Variants in CSMD3 observed in about 807,000 individuals in gnomAD.
CSMD3 encodes the protein CUB and Sushi multiple domains 3.
In CSMD3, 177 loss-of-function variants were observed where a neutral mutation model predicts 435.2. The ratio of observed to expected loss-of-function variants is 0.41; its 90% confidence interval spans 0.36 to 0.46. CSMD3 has a LOEUF of 0.46. Among genes scored for constraint, CSMD3 ranks in the 20% least tolerant of loss-of-function variants. CSMD3 has a pLI of 0.34. For synonymous variants in CSMD3, 1,656 were observed against 1,520.5 expected (o/e 1.09, Z -2.07); for missense variants, 4,265 against 4,504.6 (o/e 0.95, Z 1.52).
intron 22 of CSMD3, among the ~76,000 whole-genome samples, chr8:112,630,797 T>A (rs2074492558): frequency 1.3e-5 from 2 of 152,092 alleles, no homozygotes; most frequent in South Asian, 4.1e-4. Context: ...GAGGAGATAA[T>A]GAGTTCTGTC....
rs184602854 is a variant in CSMD3 at position 113,111,181 on chromosome 8, G to A, written c.710-12218C>T. 3.2e-4 allele frequency among the ~76,000 whole-genome samples: 49 copies of A among 152,168 alleles called. No individual in the cohort carries two copies. In the East Asian group the frequency reaches 9.3e-3, roughly 29 times the overall value. ...AAGTCATGGTCTTTGTCATTCCCAG[G>A]TCAGAAGTTTTCAAAGAATTTTTAA... On this transcript the variant is annotated intron_variant, in intron 4 of 70. Transcript: ENST00000297405.
At chr8:112,793,337 C>A (rs188700943) in intron 13 of CSMD3, among the ~76,000 whole-genome samples, 1 of 151,238 alleles carries the variant, frequency 6.6e-6, no homozygotes, top group African/African-American at 2.4e-5. Flanking sequence ...AAAAAAAGAG[C>A]ATAGTGAACA....
intron 32 of CSMD3, among the ~76,000 whole-genome samples, chr8:112,419,101 T>A (rs56124155): frequency 0.19 from 28,964 of 152,170 alleles, 3,276 homozygotes; most frequent in Middle Eastern, 0.36. Context: ...TACTATCAAG[T>A]GAAACTTTTA....
chr8:112,456,538 A>G (rs1816858583), intron 32 of CSMD3, among the ~76,000 whole-genome samples: 1 of 152,134 alleles, frequency 6.6e-6, no homozygotes, highest in Non-Finnish European at 1.5e-5. Context: ...GTAGTACAAA[A>G]TATACTTAAA....
intron 20 of CSMD3, among the ~76,000 whole-genome samples, chr8:112,642,366 G>T (rs896894939): frequency 6.6e-6 from 1 of 152,092 alleles, no homozygotes; most frequent in Non-Finnish European, 1.5e-5. Context: ...CTCTCATGGT[G>T]TCCTTGTAAA....
chr8:113,195,817 A>T (rs1241867139), intron 3 of CSMD3, among the ~76,000 whole-genome samples: 1 of 142,372 alleles, frequency 7.0e-6, no homozygotes. Context: ...ATATATATAC[A>T]CACACACACA....
rs372585887 is a variant in CSMD3, at chr8:112,617,378, G to T, written c.3715+19439C>A. ...CCCAGGCCATTATTAAAATGGACCA[G>T]ATAAGTGCATGAATTAATGTTTAAA... On this transcript the variant is annotated intron_variant, in intron 22 of 70. Transcript: ENST00000297405. Among the ~76,000 whole-genome samples the T allele has an allele frequency of 7.1e-4, 108 of 152,278 alleles. No individual in the cohort carries two copies. In the South Asian group the frequency reaches 0.022, roughly 31 times the overall value.
chr8:112,333,006 G>A (rs548061224), intron 45 of CSMD3, among the ~76,000 whole-genome samples: 2 of 152,122 alleles, frequency 1.3e-5, no homozygotes, highest in Non-Finnish European at 2.9e-5. Flanking sequence ...GCCAGTAATT[G>A]GAATAAATTA....
At chr8:112,698,932 C>A (rs2076319621) in intron 13 of CSMD3, among the ~76,000 whole-genome samples, 1 of 152,026 alleles carries the variant, frequency 6.6e-6, no homozygotes, top group African/African-American at 2.4e-5. Flanking sequence ...AAAAACGCAC[C>A]AATCAGCGCT....
At chr8:112,872,804 G>C in intron 10 of CSMD3, among the ~76,000 whole-genome samples, 1 of 151,874 alleles carries the variant, frequency 6.6e-6, no homozygotes, top group Middle Eastern at 3.2e-3. Flanking sequence ...AAGAAAATAA[G>C]ACATATTAAG....
intron 3 of CSMD3, among the ~76,000 whole-genome samples, chr8:113,197,422 C>T (rs889646307): frequency 1.3e-5 from 2 of 151,050 alleles, no homozygotes; most frequent in African/African-American, 4.8e-5. Flanking sequence ...CTGTACTAGA[C>T]AGTGGTCCCA....
chr8:112,296,514 C>T (rs907602319), intron 53 of CSMD3, among the ~76,000 whole-genome samples: 13 of 150,204 alleles, frequency 8.7e-5, no homozygotes, highest in Non-Finnish European at 1.9e-4. Context: ...CGCGCCACCG[C>T]ACTCCAGCCT....
At chr8:112,932,663 G>A (rs773068078) in intron 9 of CSMD3, among the ~76,000 whole-genome samples, 44 of 151,930 alleles carry the variant, frequency 2.9e-4, no homozygotes, top group Non-Finnish European at 1.3e-4. Flanking sequence ...GTTACCAGAG[G>A]CTGGGAAGGG....
chr8:113,253,335 C>T (rs1474210857), intron 3 of CSMD3, among the ~76,000 whole-genome samples: 2 of 151,934 alleles, frequency 1.3e-5, no homozygotes, highest in Non-Finnish European at 2.9e-5. Flanking sequence ...CCCATTAACT[C>T]GTCATTTACA....
chr8:112,603,850 C>A (rs1424657729), intron 22 of CSMD3, among the ~76,000 whole-genome samples: 2 of 152,058 alleles, frequency 1.3e-5, no homozygotes, highest in Non-Finnish European at 2.9e-5. Flanking sequence ...CAAGTGTCAA[C>A]TGCATGATGA....
chr8:113,350,149 G>A (rs1040484122), intron 1 of CSMD3, among the ~76,000 whole-genome samples: 1 of 151,946 alleles, frequency 6.6e-6, no homozygotes, highest in African/African-American at 2.4e-5. Context: ...AGAGGTCATA[G>A]ATAAAGGCAT....
In CSMD3 at chr8:112,552,322, CA is replaced by C. The variant is rs577042922; in HGVS notation, c.4361+271del. Among the ~76,000 whole-genome samples, 537 of 151,884 alleles carry C rather than the reference CA, an allele frequency of 3.5e-3. 2 individuals carry two copies. The highest frequency in any genetic ancestry group is 0.012 in the African/African-American group (516 of 41,444). Reference sequence around the variant, plus strand: ...TCAATATAGTGAGACCTCGTTTCTACAAAATATTTAAAAATTAGCCTAGCCT... The same window carrying C: ...TCAATATAGTGAGACCTCGTTTCTACAAATATTTAAAAATTAGCCTAGCCT... On this transcript the variant is annotated intron_variant, in intron 26 of 70. Coordinates refer to ENST00000297405, the MANE Select transcript of CSMD3 (RefSeq NM_198123.2).
At chr8:113,137,200 A>T (rs1393577037) in intron 4 of CSMD3, among the ~76,000 whole-genome samples, 4 of 151,652 alleles carry the variant, frequency 2.6e-5, no homozygotes, top group Non-Finnish European at 5.9e-5. Flanking sequence ...AGATACTTGT[A>T]GTCTCAACAC....
At chr8:112,867,418 C>T (rs980155532) in intron 10 of CSMD3, among the ~76,000 whole-genome samples, 5 of 152,042 alleles carry the variant, frequency 3.3e-5, no homozygotes, top group Admixed American at 6.6e-5. Flanking sequence ...TTCGTTCATG[C>T]GTTGCTTAAT....
Sources: allele counts gnomAD v4.1 joint callset (sites outside exome capture counted in the v4.1 genomes callset), GRCh38; gene constraint gnomAD v4.1.1; transcripts MANE v1.5; gene names NCBI Gene and HGNC (gene_info 2026-07-23, HGNC 2026-07-21).